Variants in OPHN1 observed in about 807,000 individuals in gnomAD.
OPHN1 encodes oligophrenin-1.
In OPHN1, 11 loss-of-function variants were observed where a neutral mutation model predicts 60.7. The ratio of observed to expected loss-of-function variants is 0.18; its 90% CI spans 0.11 to 0.30. OPHN1 has a LOEUF of 0.30. Ranked by LOEUF, OPHN1 falls within the 10% of genes least tolerant of loss-of-function variation. The pLI is 1.00. For missense variants in OPHN1, 449 were observed against 611.0 expected, an observed-to-expected ratio of 0.73 and a Z score of 2.80; for synonymous variants, 226 against 222.6, an observed-to-expected ratio of 1.02 and a Z score of -0.14.
intron 2 of OPHN1, among the ~76,000 whole-genome samples, chrX:68,372,197 A>T (rs755214976): frequency 8.9e-6 from 1 of 112,410 alleles, no homozygotes; most frequent in Admixed American, 9.5e-5. Flanking sequence ...TGGCTCTGCT[A>T]ATATCAGACA....
intron 19 of OPHN1, among the ~76,000 whole-genome samples, chrX:68,080,177 T>A (rs1340391860): frequency 1.8e-5 from 2 of 112,282 alleles, no homozygotes; most frequent in South Asian, 7.4e-4. Flanking sequence ...AAGTACTCAA[T>A]AATCTGGCCA....
intron 15 of OPHN1, among the ~76,000 whole-genome samples, chrX:68,151,519 A>C (rs2077285323): frequency 8.9e-6 from 1 of 111,940 alleles, no homozygotes; most frequent in South Asian, 3.8e-4. Flanking sequence ...TGATTTTATC[A>C]ACAGTTTTTA....
At chrX:68,065,964 T>A (rs1265663631) in intron 20 of OPHN1, among the ~76,000 whole-genome samples, 2 of 112,213 alleles carry the variant, frequency 1.8e-5, no homozygotes, top group African/African-American at 6.5e-5. Context: ...GTCTCCCTAA[T>A]TTTGTCCCAA....
intron 6 of OPHN1, among the ~76,000 whole-genome samples, chrX:68,217,732 G>A (rs1008751034): frequency 6.4e-5 from 7 of 109,467 alleles, no homozygotes; most frequent in Admixed American, 4.9e-4. Context: ...TCTGTTAGAA[G>A]GAAAACTAAC....
chrX:68,178,278 G>C (rs745374488), intron 15 of OPHN1, among the ~76,000 whole-genome samples: 11 of 111,909 alleles, frequency 9.8e-5, no homozygotes, highest in Admixed American at 4.7e-4. Context: ...GTTTTATAAG[G>C]TGAAATGTAT....
intron 15 of OPHN1, among the ~76,000 whole-genome samples, chrX:68,189,835 A>G (rs1272368773): frequency 8.9e-6 from 1 of 111,824 alleles, no homozygotes; most frequent in Admixed American, 9.6e-5. Flanking sequence ...GTCTAGGGGA[A>G]GAAGAAAAGG....
At chrX:68,365,957 T>C (rs1438481075) in intron 2 of OPHN1, among the ~76,000 whole-genome samples, 1 of 106,878 alleles carries the variant, frequency 9.4e-6, no homozygotes, top group Admixed American at 1.0e-4. Context: ...CTTACCCAGC[T>C]AGACTTCAGC....
chrX:68,062,640 C>T (rs2076897389), intron 21 of OPHN1, among the ~76,000 whole-genome samples: 1 of 111,858 alleles, frequency 8.9e-6, no homozygotes, highest in Admixed American at 9.5e-5. Context: ...GGGCCAGGTA[C>T]ATGGTCAGTA....
At position 68,179,818 on chromosome X, in the gene OPHN1, G is replaced by T. The variant is rs771606178; in HGVS notation, c.1276+13101C>A. 1.3e-4 allele frequency among the ~76,000 whole-genome samples: 14 copies of T among 111,611 alleles called. No homozygotes were observed. The Admixed American group carries it at 1.3e-3, about 11-fold the overall frequency. ...AGCATGACATTGTCATCTGGTGAGG[G>T]TCTTTATGTTCATCATCCCATGACA... On this transcript the variant is annotated intron_variant, in intron 15 of 24. Transcript: ENST00000355520.
At chrX:68,151,485 T>C (rs1021926168) in intron 15 of OPHN1, among the ~76,000 whole-genome samples, 3 of 111,769 alleles carry the variant, frequency 2.7e-5, no homozygotes, top group African/African-American at 9.8e-5. Context: ...TTAAACTTCA[T>C]AGGCAGTAAC....
intron 21 of OPHN1, among the ~76,000 whole-genome samples, chrX:68,062,759 G>T (rs1228620412): frequency 2.7e-5 from 3 of 112,296 alleles, no homozygotes; most frequent in East Asian, 5.6e-4. Context: ...CTAGGATTTA[G>T]ATCCAAGCCT....
chrX:68,429,093 G>A (rs1015291979), intron 2 of OPHN1, among the ~76,000 whole-genome samples: 5 of 111,278 alleles, frequency 4.5e-5, no homozygotes, highest in Non-Finnish European at 7.5e-5. Context: ...ATCTTGGGAG[G>A]TGGGTATAAT....
At chrX:68,271,343 T>C (rs1356962353) in intron 5 of OPHN1, among the ~76,000 whole-genome samples, 2 of 103,497 alleles carry the variant, frequency 1.9e-5, no homozygotes, top group East Asian at 3.1e-4. Flanking sequence ...CTGGGCAACA[T>C]GGCGAAACCC....
At chrX:68,371,997 G>A (rs969389001) in intron 2 of OPHN1, among the ~76,000 whole-genome samples, 6 of 111,919 alleles carry the variant, frequency 5.4e-5, no homozygotes, top group Non-Finnish European at 7.5e-5. Flanking sequence ...CACCCACCTC[G>A]GCCTCCCAAA....
At chrX:68,218,583 G>A (rs1289130938) in intron 6 of OPHN1, among the ~76,000 whole-genome samples, 33 of 110,316 alleles carry the variant, frequency 3.0e-4, no homozygotes, top group Non-Finnish European at 4.7e-4. Context: ...CGGATCTTTC[G>A]GCAGAAACCC....
At chrX:68,305,668 G>A (rs946558417) in intron 2 of OPHN1, among the ~76,000 whole-genome samples, 1 of 112,441 alleles carries the variant, frequency 8.9e-6, no homozygotes, top group African/African-American at 3.2e-5. Context: ...AAGGCTATTG[G>A]TTCAAAGTAT....
At chrX:68,343,754 G>A (rs2078366351) in intron 2 of OPHN1, among the ~76,000 whole-genome samples, 1 of 111,243 alleles carries the variant, frequency 9.0e-6, no homozygotes, top group Non-Finnish European at 1.9e-5. Flanking sequence ...ATACAGAAAA[G>A]CAATATTTGC....
At chrX:68,118,823 C>T (rs1336227788) in intron 16 of OPHN1, among the ~76,000 whole-genome samples, 2 of 111,051 alleles carry the variant, frequency 1.8e-5, no homozygotes, top group Non-Finnish European at 3.8e-5. Flanking sequence ...TGATACGTAG[C>T]ACATCACACA....
chrX:68,194,859 T>C (rs2077503983), intron 12 of OPHN1, among the ~76,000 whole-genome samples: 1 of 108,652 alleles, frequency 9.2e-6, no homozygotes. Context: ...TCCCAGCTGT[T>C]TGGGAGGTTG....
Sources: allele counts gnomAD v4.1 joint callset (sites outside exome capture counted in the v4.1 genomes callset), GRCh38; gene constraint gnomAD v4.1.1; transcripts MANE v1.5; gene names NCBI Gene and HGNC (gene_info 2026-07-23, HGNC 2026-07-21).